The following RHBDD2 variants were observed in gnomAD, a reference collection of about 807,000 sequenced individuals.
RHBDD2 encodes rhomboid domain-containing protein 2.
In RHBDD2, 13 loss-of-function variants were observed where a neutral mutation model predicts 21.7. That is an observed-to-expected ratio of 0.60 (90% confidence interval 0.39 to 0.95). RHBDD2 has a LOEUF of 0.95. Ranked by LOEUF, RHBDD2 falls within the 40% of genes least tolerant of loss-of-function variation. The pLI is 0.00. For synonymous variants in RHBDD2, 225 were observed against 220.0 expected (o/e 1.02, Z -0.20); for missense variants, 473 against 478.9 (o/e 0.99, Z 0.11).
In RHBDD2 at chr7:75,888,119, G is replaced by A. The variant is rs782137859; in HGVS notation, c.865G>A (p.Gly289Arg). 18 of 1,613,564 alleles carry A rather than the reference G, an allele frequency of 1.1e-5. No individual in the cohort carries two copies. The South Asian group carries it at 1.3e-4, about 12-fold the overall frequency. ...GGCCTCCTGGCCCTCCTGCACCCCC[G>A]GGCACATGCCCACCTTGCCTCCGTA... ...KLASWPSCTP[G>R]HMPTLPPYQP... is the part of the protein sequence containing the mutation. Residue 289 changes from glycine to arginine, a missense_variant, in exon 4 of 4, where the codon GGG (glycine) becomes AGG (arginine). Gly to Arg is a moderately radical substitution (Grantham distance 125, BLOSUM62 -2). Transcript: ENST00000006777.
chr7:75,886,995 C>T (rs578237230), intron 3 of RHBDD2, among the ~76,000 whole-genome samples: 246 of 152,196 alleles, frequency 1.6e-3, no homozygotes, highest in African/African-American at 5.8e-3. Flanking sequence ...GGTCTGGTGC[C>T]TGCTGCAGAC....
rs1308945231 is a variant in RHBDD2, at chr7:75,888,861, ACTG to A, written c.*514_*516del. 2 of 163,924 alleles carry A rather than the reference ACTG, an allele frequency of 1.2e-5. No homozygotes were observed. Among genetic ancestry groups the A allele is most frequent in the Non-Finnish European group, 2.7e-5 (2 of 74,802 alleles). The allele number at this position is 163,924 out of a possible 1,614,324, so 10.2% of individuals were successfully genotyped here. On this transcript the variant is annotated 3_prime_UTR_variant, in exon 4 of 4. Transcript: ENST00000006777. Reference sequence around the variant, plus strand: ...GAAGCGGTGGGATGGGCCCCCATGAACTGCAGCAGCATGCTGAGGTGTCCATGT... The same window carrying A: ...GAAGCGGTGGGATGGGCCCCCATGAACAGCAGCATGCTGAGGTGTCCATGT...
chr7:75,883,476 C>T, intron 2 of RHBDD2: 1 of 388,392 alleles, frequency 2.6e-6, no homozygotes, highest in Non-Finnish European at 4.7e-6. Context: ...CAAGATCACA[C>T]CACTGCACTC....
At chr7:75,879,726 C>T (rs1374618116) in intron 1 of RHBDD2, among the ~76,000 whole-genome samples, 1 of 152,214 alleles carries the variant, frequency 6.6e-6, no homozygotes, top group Non-Finnish European at 1.5e-5. Flanking sequence ...GCCCTATAAA[C>T]GTCCTGCCCT....
Position 75,882,198 on chromosome 7 carries a change from T to A in RHBDD2, c.548T>A (p.Phe183Tyr), listed in dbSNP as rs1554542751. 3 of 1,614,028 alleles carry A rather than the reference T, an allele frequency of 1.9e-6. No homozygotes were observed. The highest frequency in any genetic ancestry group is 1.7e-5 in the Admixed American group (1 of 59,992). The change falls in exon 2 of 4, where the codon TTC becomes TAC. Residue 183 changes from phenylalanine (F) to tyrosine (Y), a missense_variant. Transcript: ENST00000006777. ...TCGTGGCTCATTCCCCAGACCTCTTTCCTCAGTAATGTCTGCGGGCTGTCC... is the reference window on the plus strand; with the variant it reads ...TCGTGGCTCATTCCCCAGACCTCTTACCTCAGTAATGTCTGCGGGCTGTCC... ...GASWLIPQTS[F>Y]LSNVCGLSIG...
At position 75,883,773 on chromosome 7, in the gene RHBDD2, G is replaced by T. The variant is rs782406911; in HGVS notation, c.662G>T (p.Ser221Ile). Residue 221 changes from serine to isoleucine, a missense_variant, in exon 3 of 4, where the codon AGC (serine) becomes ATC (isoleucine). Coordinates refer to ENST00000006777, the MANE Select transcript of RHBDD2 (RefSeq NM_001040456.3). ...ALKLDQTFPFSLMRRISVFKY... is the reference protein window; with the variant it reads ...ALKLDQTFPFILMRRISVFKY... Reference sequence around the variant, plus strand: ...AAGCTCGATCAGACCTTCCCCTTCAGCCTGATGAGGAGGATATCCGTGTTC... The same window carrying T: ...AAGCTCGATCAGACCTTCCCCTTCATCCTGATGAGGAGGATATCCGTGTTC... 6.3e-5 allele frequency: 101 copies of T among 1,613,740 alleles called. No individual in the cohort carries two copies. The highest frequency in any genetic ancestry group is 8.1e-5 in the Non-Finnish European group (96 of 1,179,892).
At chr7:75,886,517 TTCTTC>T (rs1458288468) in intron 3 of RHBDD2, among the ~76,000 whole-genome samples, 3 of 152,026 alleles carry the variant, frequency 2.0e-5, no homozygotes, top group African/African-American at 7.2e-5. Context: ...GATGAGAAAG[TTCTTC>T]CATGCTGAAG....
In RHBDD2 at chr7:75,879,256, G is replaced by T; in HGVS notation, c.174G>T (p.Trp58Cys). The change falls in exon 1 of 4, where the codon TGG (tryptophan) becomes TGT (cysteine). Residue 58 changes from tryptophan to cysteine, a missense_variant. Transcript: ENST00000006777. Reference sequence around the variant, plus strand: ...TGAAGTCCGAGGCCCTTCGCAACTGGCAAGGTGAGCAGGGGCGGGCCGGGA... The same window carrying T: ...TGAAGTCCGAGGCCCTTCGCAACTGTCAAGGTGAGCAGGGGCGGGCCGGGA... ...LTLKSEALRN[W>C]QVYRLVTYIF... is the part of the protein sequence containing the mutation. 2 of 1,504,462 alleles carry T rather than the reference G, an allele frequency of 1.3e-6. No individual in the cohort carries two copies. The highest frequency in any genetic ancestry group is 2.8e-5 in the East Asian group (1 of 36,080). The allele number at this position is 1,504,462 out of a possible 1,614,324, so 93.2% of individuals were successfully genotyped here.
At chr7:75,883,887 T>TA (rs781901344) in intron 3 of RHBDD2, 39 bp downstream of exon 3, 2,189 of 1,445,090 alleles carry the variant, frequency 1.5e-3, no homozygotes, top group Middle Eastern at 1.8e-3. Flanking sequence ...AAATCTTTTT[T>TA]AAAAAAAAAA....
Position 75,888,163 on chromosome 7 carries a change from G to A in RHBDD2, c.909G>A (p.Leu303=). 2 of 1,613,816 alleles carry A rather than the reference G, an allele frequency of 1.2e-6. No individual in the cohort carries two copies. Among genetic ancestry groups the A allele is most frequent in the Non-Finnish European group, 1.7e-6 (2 of 1,180,032 alleles). ...CTCCGTACCAGCCTGCCTCCGGCCT[G>A]TGCTATGTGCAGAACCACTTTGGTC... ...TLPPYQPASG[L]CYVQNHFGPN... is the part of the protein sequence containing the mutation. Residue 303 remains leucine, a synonymous_variant, in exon 4 of 4, where the codon CTG becomes CTA. Transcript: ENST00000006777.
chr7:75,882,338 T>G, intron 2 of RHBDD2, 102 bp downstream of exon 2: 1 of 1,143,068 alleles, frequency 8.7e-7, no homozygotes. Flanking sequence ...TTACTTTGTA[T>G]TTTTTCGAAA....
chr7:75,883,519 A>G lies in RHBDD2; in HGVS notation c.587-179A>G, dbSNP rs1805454615. The G allele has an allele frequency of 3.8e-5, 13 of 338,986 alleles. No homozygotes were observed. The South Asian group carries it at 6.0e-4, about 16-fold the overall frequency. 21.0% of individuals were successfully genotyped at this position (338,986 alleles called of 1,614,324 possible). A position where few individuals can be genotyped will look rare whatever the true frequency, so the allele number is the denominator to read the frequency against. On this transcript the variant is annotated intron_variant, in intron 2 of 3. Coordinates refer to ENST00000006777, the MANE Select transcript of RHBDD2 (RefSeq NM_001040456.3). ...GGCTGCTAGAGTGAGACTCCATCTCAAAAAAAAAAACAAACCTTTGGCTCT... is the reference window on the plus strand; with the variant it reads ...GGCTGCTAGAGTGAGACTCCATCTCGAAAAAAAAAACAAACCTTTGGCTCT...
At chr7:75,879,304 C>G (rs1474569458) in intron 1 of RHBDD2, 44 bp downstream of exon 1, 1 of 1,413,640 alleles carries the variant, frequency 7.1e-7, no homozygotes, top group Non-Finnish European at 9.2e-7. Flanking sequence ...TCCTTGTCCT[C>G]CGACTTTGCC....
chr7:75,879,437 C>T (rs946135670), intron 1 of RHBDD2, among the ~76,000 whole-genome samples, 177 bp downstream of exon 1: 6 of 152,236 alleles, frequency 3.9e-5, no homozygotes, highest in African/African-American at 1.4e-4. Flanking sequence ...GTCTCTTGCT[C>T]TCCGTGTTCC....
chr7:75,881,736 G>C (rs1456917351), intron 1 of RHBDD2, 93 bp from the exon 2 acceptor site: 3 of 1,284,040 alleles, frequency 2.3e-6, no homozygotes, highest in East Asian at 2.3e-5. Flanking sequence ...CTGTCACGGA[G>C]GGGGGCTCTC....
chr7:75,879,117 G>T lies in RHBDD2; in HGVS notation c.35G>T (p.Cys12Phe). 1 of 1,399,754 alleles carries T rather than the reference G, an allele frequency of 7.1e-7. No homozygotes were observed. Among genetic ancestry groups the T allele is most frequent in the Non-Finnish European group, 9.4e-7 (1 of 1,068,012 alleles). The allele number at this position is 1,399,754 out of a possible 1,614,324, so 86.7% of individuals were successfully genotyped here. The change falls in exon 1 of 4, where the codon TGC becomes TTC. Residue 12 changes from cysteine (C) to phenylalanine (F), a missense_variant. Physicochemically the swap from Cys to Phe is radical, Grantham distance 205. Coordinates refer to ENST00000006777, the MANE Select transcript of RHBDD2 (RefSeq NM_001040456.3). ...AASGPGCRSW[C>F]LCPEVPSATF... Reference sequence around the variant, plus strand: ...TCGGGGCCCGGGTGTCGCAGCTGGTGCTTGTGTCCCGAGGTGCCATCCGCC... The same window carrying T: ...TCGGGGCCCGGGTGTCGCAGCTGGTTCTTGTGTCCCGAGGTGCCATCCGCC...
intron 3 of RHBDD2, among the ~76,000 whole-genome samples, chr7:75,887,189 G>A (rs1805730078): frequency 6.9e-6 from 1 of 145,432 alleles, no homozygotes; most frequent in Admixed American, 7.0e-5. Context: ...CTAGGCTGGA[G>A]TGCAGTGGCA....
intron 1 of RHBDD2, chr7:75,881,262 C>A: frequency 9.7e-7 from 1 of 1,029,220 alleles, no homozygotes; most frequent in Non-Finnish European, 1.3e-6. Context: ...TAAGCACTTT[C>A]TGAGGAGACT....
In RHBDD2 at chr7:75,883,834, A is replaced by G. The variant is rs782491984; in HGVS notation, c.723A>G (p.Ala241=). ...CAGGGTCTTCAGCCGAGAGGAGGGC[A>G]GCCCAGAGCCGGAAGTAAGTGACAG... ...YVSGSSAERR[A]AQSRKLNPVP... is the part of the protein sequence containing the mutation. Residue 241 remains alanine, a synonymous_variant, in exon 3 of 4, where the codon GCA becomes GCG. Transcript: ENST00000006777. The G allele has an allele frequency of 1.9e-6, 3 of 1,612,694 alleles. No individual in the cohort carries two copies. The highest frequency in any genetic ancestry group is 2.2e-5 in the South Asian group (2 of 90,836).
Sources: gnomAD v4.1 joint callset for allele counts (sites outside exome capture counted in the v4.1 genomes callset) on GRCh38, gnomAD v4.1.1 for gene constraint, MANE v1.5 for transcripts, NCBI Gene and HGNC (gene_info 2026-07-23, HGNC 2026-07-21) for gene names.